PINX1: variants seen among roughly 807,000 people sequenced by gnomAD.
PINX1 encodes PIN2 (TERF1) interacting telomerase inhibitor 1.
Under a neutral mutation model 25.4 loss-of-function variants are expected in PINX1, and 34 were observed. The ratio of observed to expected loss-of-function variants is 1.34; its 90% CI spans 1.02 to 1.78. PINX1 has a LOEUF of 1.78. PINX1 is among the 40% of genes most tolerant of loss of function. PINX1 has a pLI of 0.00. For missense variants in PINX1, 592 were observed against 404.9 expected (o/e 1.46, Z -3.97); for synonymous variants, 197 against 147.7 (o/e 1.33, Z -2.42).
Position 10,790,948 on chromosome 8 carries a change from C to T in PINX1, c.472-25032G>A, listed in dbSNP as rs549687615. Among the ~76,000 whole-genome samples, 5 of 152,204 alleles carry T rather than the reference C, an allele frequency of 3.3e-5. No individual in the cohort carries two copies. The East Asian group carries it at 9.7e-4, about 29-fold the overall frequency. ...TTTTTATTGAGACAGAGTATCCCAC[C>T]GTTGCCTCGGCTGGAGTACAAAGGC... is the stretch of plus-strand genomic sequence containing the variant. On this transcript the variant is annotated intron_variant, in intron 6 of 6. Coordinates refer to ENST00000314787, the MANE Select transcript of PINX1 (RefSeq NM_017884.6).
chr8:10,828,435 G>T (rs954907219), intron 4 of PINX1, among the ~76,000 whole-genome samples: 1 of 152,144 alleles, frequency 6.6e-6, no homozygotes, highest in Non-Finnish European at 1.5e-5. Flanking sequence ...CTCCATAAGA[G>T]AGCTGCTGTG....
chr8:10,805,783 G>A (rs77658041), intron 6 of PINX1, among the ~76,000 whole-genome samples: 2 of 107,558 alleles, frequency 1.9e-5, no homozygotes, highest in Non-Finnish European at 3.9e-5. Flanking sequence ...TGAGTGGGTG[G>A]CAGAGCACAG....
At chr8:10,828,354 G>C (rs1003424847) in intron 4 of PINX1, among the ~76,000 whole-genome samples, 2 of 152,312 alleles carry the variant, frequency 1.3e-5, no homozygotes, top group South Asian at 4.1e-4. Flanking sequence ...CCTACCGACT[G>C]CAAGTGTATG....
chr8:10,798,182 C>CTCCT (rs913187629), intron 6 of PINX1, among the ~76,000 whole-genome samples: 2 of 152,208 alleles, frequency 1.3e-5, no homozygotes, highest in African/African-American at 4.8e-5. Context: ...TTTTTGAAAA[C>CTCCT]TTAACTGCAT....
chr8:10,780,163 G>A (rs1437064780), intron 6 of PINX1, among the ~76,000 whole-genome samples: 1 of 152,110 alleles, frequency 6.6e-6, no homozygotes, highest in Non-Finnish European at 1.5e-5. Context: ...ATCTGCAAAC[G>A]AGATAATTTT....
At position 10,839,841 on chromosome 8, in the gene PINX1, G is replaced by T; in HGVS notation, c.-85C>A. ...CTGGAGACTCCAGGAGAATCAGGAC[G>T]TGCGTAACTCCCTCGCCGGCGGACT... is the stretch of plus-strand genomic sequence containing the variant. On this transcript the variant is annotated 5_prime_UTR_variant, in exon 1 of 7. Coordinates refer to ENST00000314787, the MANE Select transcript of PINX1 (RefSeq NM_017884.6). 8 of 1,331,276 alleles carry T rather than the reference G, an allele frequency of 6.0e-6. No homozygotes were observed. The highest frequency in any genetic ancestry group is 7.3e-6 in the Non-Finnish European group (7 of 956,076). 82.5% of individuals were successfully genotyped at this position (1,331,276 alleles called of 1,614,324 possible).
chr8:10,778,955 C>G (rs1801498350), intron 6 of PINX1, among the ~76,000 whole-genome samples: 1 of 152,212 alleles, frequency 6.6e-6, no homozygotes. Flanking sequence ...ACTATGGACG[C>G]TAGCTTGCAG....
chr8:10,774,508 C>G (rs1020386533), intron 6 of PINX1, among the ~76,000 whole-genome samples: 1 of 151,912 alleles, frequency 6.6e-6, no homozygotes, highest in African/African-American at 2.4e-5. Flanking sequence ...CTCGAACTCC[C>G]GACCTCAGGT....
At chr8:10,766,023 G>A in intron 6 of PINX1, 107 bp from the exon 7 acceptor site, 2 of 1,082,968 alleles carry the variant, frequency 1.8e-6, no homozygotes, top group Non-Finnish European at 2.7e-6. Context: ...CCCACACCCG[G>A]CGCTCACACC....
intron 6 of PINX1, among the ~76,000 whole-genome samples, chr8:10,769,382 A>G (rs1801156195): frequency 6.6e-6 from 1 of 152,212 alleles, no homozygotes; most frequent in Admixed American, 6.5e-5. Context: ...TGTCAAAAAC[A>G]TTTGATGACT....
At chr8:10,836,991 G>A (rs1798424922) in intron 1 of PINX1, among the ~76,000 whole-genome samples, 1 of 152,160 alleles carries the variant, frequency 6.6e-6, no homozygotes, top group Non-Finnish European at 1.5e-5. Flanking sequence ...TCATGCCACA[G>A]TCTGTTCTGT....
chr8:10,833,098 C>T, intron 2 of PINX1, 114 bp from the exon 3 acceptor site: 1 of 614,388 alleles, frequency 1.6e-6, no homozygotes. Context: ...TGATGATTCT[C>T]TCCATTAAAT....
chr8:10,820,471 T>C (rs1544980), intron 5 of PINX1, among the ~76,000 whole-genome samples: 23,797 of 152,194 alleles, frequency 0.16, 2,082 homozygotes, highest in Middle Eastern at 0.2. Context: ...ACCAAGTAAA[T>C]GTTTTAGAAC....
chr8:10,785,469 G>T (rs963704602), intron 6 of PINX1, among the ~76,000 whole-genome samples: 5 of 152,278 alleles, frequency 3.3e-5, no homozygotes, highest in Admixed American at 3.3e-4. Flanking sequence ...CTAAGGCACA[G>T]GAAAATGTTT....
At chr8:10,801,757 T>A (rs1009511466) in intron 6 of PINX1, among the ~76,000 whole-genome samples, 3 of 152,222 alleles carry the variant, frequency 2.0e-5, no homozygotes, top group African/African-American at 7.2e-5. Context: ...ATTTGTGGTA[T>A]CATTCTAACC....
At chr8:10,789,079 C>T (rs1801841501) in intron 6 of PINX1, among the ~76,000 whole-genome samples, 1 of 152,238 alleles carries the variant, frequency 6.6e-6, no homozygotes, top group South Asian at 2.1e-4. Flanking sequence ...GCCTCCCCTT[C>T]CCTCCTGCTG....
intron 6 of PINX1, among the ~76,000 whole-genome samples, chr8:10,780,983 T>C (rs1031306117): frequency 2.0e-5 from 3 of 152,166 alleles, no homozygotes; most frequent in Admixed American, 6.5e-5. Flanking sequence ...TAAAACAGTA[T>C]GGTACTGGCA....
intron 6 of PINX1, among the ~76,000 whole-genome samples, chr8:10,773,678 C>T (rs1044074815): frequency 1.3e-5 from 2 of 152,140 alleles, no homozygotes; most frequent in African/African-American, 4.8e-5. Context: ...TCCCATATGC[C>T]TAACCAGCTA....
rs148609461 is a variant in PINX1, at chr8:10,804,432, G to A, written c.471+15761C>T. Among the ~76,000 whole-genome samples, 718 of 152,314 alleles carry A rather than the reference G, an allele frequency of 4.7e-3. 7 individuals are homozygous for A. Among genetic ancestry groups the A allele is most frequent in the African/African-American group, 0.016 (683 of 41,576 alleles). The stretch of plus-strand genomic sequence containing the variant: ...GGAGGTCCGTACCAGGAGCCAGCAA[G>A]CATCGGCATCAGGGAAGCAGATTAG... On this transcript the variant is annotated intron_variant, in intron 6 of 6. Transcript: ENST00000314787.
Sources: gnomAD v4.1 joint callset for allele counts (sites outside exome capture counted in the v4.1 genomes callset) on GRCh38, gnomAD v4.1.1 for gene constraint, MANE v1.5 for transcripts, NCBI Gene and HGNC (gene_info 2026-07-23, HGNC 2026-07-21) for gene names.